Variants in TRDN observed in about 807,000 individuals in gnomAD.
TRDN encodes triadin in skeletal muscle.
TRDN carries 161 observed loss-of-function variants against 149.7 expected under a neutral mutation model. That is an observed-to-expected ratio of 1.08 (90% confidence interval 0.95 to 1.23). The LOEUF (loss-of-function observed/expected upper bound fraction) is 1.23, where lower values mean the gene tolerates loss of function less well. TRDN is among the 50% of genes most tolerant of loss of function. The pLI, the probability that TRDN is intolerant of heterozygous loss-of-function variation, is 0.00. For synonymous variants in TRDN, 294 were observed against 250.5 expected, an observed-to-expected ratio of 1.17 and a Z score of -1.64; for missense variants, 896 against 823.5, an observed-to-expected ratio of 1.09 and a Z score of -1.08.
chr6:123,495,404 A>G (rs1194162878), intron 9 of TRDN, among the ~76,000 whole-genome samples: 1 of 151,956 alleles, frequency 6.6e-6, no homozygotes, highest in African/African-American at 2.4e-5. Context: ...CTGTAATCCC[A>G]GCTACTCAGG....
At chr6:123,562,186 C>T (rs923146333) in intron 2 of TRDN, among the ~76,000 whole-genome samples, 87 of 152,170 alleles carry the variant, frequency 5.7e-4, no homozygotes, top group African/African-American at 2.0e-3. Flanking sequence ...CCCCCTTTGA[C>T]TGTAATTTTC....
At chr6:123,250,456 A>G (rs1006642850) in intron 38 of TRDN, among the ~76,000 whole-genome samples, 2 of 152,112 alleles carry the variant, frequency 1.3e-5, no homozygotes, top group Admixed American at 1.3e-4. Context: ...AAAGAATGAT[A>G]CTTGTTTAGT....
At chr6:123,632,921 G>A (rs1283011626) in intron 1 of TRDN, among the ~76,000 whole-genome samples, 2 of 151,876 alleles carry the variant, frequency 1.3e-5, no homozygotes, top group African/African-American at 4.8e-5. Context: ...GAGTAATGCA[G>A]TGTGTAGAAT....
chr6:123,358,479 T>G (rs1224349828), intron 20 of TRDN, among the ~76,000 whole-genome samples: 2 of 152,082 alleles, frequency 1.3e-5, no homozygotes, highest in African/African-American at 2.4e-5. Context: ...GTACTTTTTT[T>G]TTTTTATGGA....
intron 40 of TRDN, among the ~76,000 whole-genome samples, chr6:123,219,438 T>A (rs193277307): frequency 2.2e-4 from 33 of 151,922 alleles, no homozygotes; most frequent in East Asian, 5.9e-4. Flanking sequence ...TTCCAGTGTT[T>A]TCTATCCTAT....
intron 16 of TRDN, among the ~76,000 whole-genome samples, chr6:123,380,953 C>T (rs561920750): frequency 1.3e-5 from 2 of 151,604 alleles, no homozygotes; most frequent in Admixed American, 1.3e-4. Context: ...ATGGGCATGC[C>T]AAAATATCTA....
intron 20 of TRDN, among the ~76,000 whole-genome samples, chr6:123,355,455 G>A (rs1321265088): frequency 2.0e-5 from 3 of 151,566 alleles, no homozygotes; most frequent in Non-Finnish European, 3.0e-5. Flanking sequence ...ATTTGTGTAA[G>A]GTGTGAGATA....
At chr6:123,598,669 C>A (rs1481150427) in intron 1 of TRDN, among the ~76,000 whole-genome samples, 2 of 152,012 alleles carry the variant, frequency 1.3e-5, no homozygotes, top group African/African-American at 4.8e-5. Context: ...TTTCATATTG[C>A]ATTTTGTCTA....
intron 38 of TRDN, among the ~76,000 whole-genome samples, chr6:123,241,429 T>G (rs1387021982): frequency 6.6e-6 from 1 of 151,594 alleles, no homozygotes; most frequent in Non-Finnish European, 1.5e-5. Flanking sequence ...TAATTTTATC[T>G]TATGCTTAAA....
Position 123,281,264 on chromosome 6 carries a change from T to C in TRDN, c.1511-2182A>G, listed in dbSNP as rs138489222. ...TTCCTGGGTTCTCAGAACAAAAGGCTGAGAACCTTTTGTTAATGTAAATAA... is the reference window on the plus strand; with the variant it reads ...TTCCTGGGTTCTCAGAACAAAAGGCCGAGAACCTTTTGTTAATGTAAATAA... On this transcript the variant is annotated intron_variant, in intron 24 of 40. Coordinates refer to ENST00000334268, the MANE Select transcript of TRDN (RefSeq NM_006073.4). 4.8e-3 allele frequency among the ~76,000 whole-genome samples: 735 copies of C among 152,184 alleles called. 2 individuals are homozygous for C. Among genetic ancestry groups the C allele is most frequent in the Non-Finnish European group, 8.6e-3 (582 of 67,962 alleles).
intron 12 of TRDN, among the ~76,000 whole-genome samples, chr6:123,400,167 G>GTATATATAGATATATATA (rs1772900258): frequency 8.1e-6 from 1 of 123,396 alleles, no homozygotes; most frequent in Non-Finnish European, 1.7e-5. Context: ...ATATGTATGT[G>GTATATATAGATATATATA]TATATATATA....
intron 1 of TRDN, among the ~76,000 whole-genome samples, chr6:123,584,201 G>A (rs1318534792): frequency 6.6e-6 from 1 of 152,190 alleles, no homozygotes; most frequent in African/African-American, 2.4e-5. Context: ...CAGGAACAAT[G>A]GTAATTGTGG....
intron 18 of TRDN, among the ~76,000 whole-genome samples, chr6:123,377,100 G>T (rs1181821269): frequency 6.6e-6 from 1 of 152,048 alleles, no homozygotes; most frequent in Non-Finnish European, 1.5e-5. Context: ...TTGTTGATAG[G>T]TTTATTTGTC....
intron 33 of TRDN, among the ~76,000 whole-genome samples, chr6:123,263,621 C>T (rs559560465): frequency 9.9e-5 from 15 of 151,912 alleles, no homozygotes; most frequent in African/African-American, 1.7e-4. Context: ...AGAGTGAGAC[C>T]CTGTCTTTAA....
intron 1 of TRDN, among the ~76,000 whole-genome samples, chr6:123,624,414 C>T (rs965931963): frequency 2.0e-5 from 3 of 151,998 alleles, no homozygotes; most frequent in Admixed American, 6.6e-5. Flanking sequence ...CAAAATTTTC[C>T]GGAAACTGTC....
chr6:123,414,551 G>T (rs1258750043), intron 12 of TRDN, among the ~76,000 whole-genome samples: 1 of 152,004 alleles, frequency 6.6e-6, no homozygotes, highest in Admixed American at 6.6e-5. Context: ...CTTTTATTCT[G>T]TATGTTGTGG....
rs1200159794 is a variant in TRDN at position 123,516,144 on chromosome 6, T to C, written c.547A>G (p.Lys183Glu). The change falls in exon 6 of 41, where the codon AAA becomes GAA. Residue 183 changes from lysine to glutamate, a missense_variant. Lys to Glu is a moderately conservative substitution (Grantham distance 56, BLOSUM62 1). Coordinates refer to ENST00000334268, the MANE Select transcript of TRDN (RefSeq NM_006073.4). ...AGTAATAAAAGTAACTTCATACCTT[T>C]CTTTTCAGGTTTTTCTTTTTCTCTT... The part of the protein sequence containing the change: ...KVREKEKPEK[K>E]ATHKEKIEKK... The C allele has an allele frequency of 1.3e-6, 2 of 1,491,300 alleles. No individual in the cohort carries two copies. Among genetic ancestry groups the C allele is most frequent in the Admixed American group, 2.1e-5 (1 of 46,748 alleles). The allele number at this position is 1,491,300 out of a possible 1,614,324, so 92.4% of individuals were successfully genotyped here. A position where few individuals can be genotyped will look rare whatever the true frequency, so the allele number is the denominator to read the frequency against.
intron 23 of TRDN, among the ~76,000 whole-genome samples, chr6:123,330,865 T>C (rs1422254147): frequency 6.6e-6 from 1 of 152,030 alleles, no homozygotes; most frequent in Non-Finnish European, 1.5e-5. Context: ...CTGATCTCCA[T>C]ACCACTTCCA....
chr6:123,433,816 T>C (rs1774440096), intron 12 of TRDN: 1 of 152,162 alleles, frequency 6.6e-6, no homozygotes, highest in South Asian at 2.1e-4. Context: ...CCAAGAGCAA[T>C]GGGTCATCTT....
Sources: gnomAD v4.1 joint callset for allele counts (sites outside exome capture counted in the v4.1 genomes callset) on GRCh38, gnomAD v4.1.1 for gene constraint, MANE v1.5 for transcripts, NCBI Gene and HGNC (gene_info 2026-07-23, HGNC 2026-07-21) for gene names.